Variants in PDE1C observed in about 807,000 individuals in gnomAD.
The protein encoded by PDE1C is dual specificity calcium/calmodulin-dependent 3',5'-cyclic nucleotide phosphodiesterase 1C.
PDE1C carries 62 observed loss-of-function variants against 93.1 expected under a neutral mutation model. The ratio of observed to expected loss-of-function variants is 0.67; its 90% CI spans 0.54 to 0.82. The LOEUF is 0.82. PDE1C is among the 40% of genes least tolerant of loss of function. The probability of loss-of-function intolerance (pLI) is 0.00; values close to 1 mark genes in which losing one functional copy is unlikely to be tolerated. For missense variants in PDE1C, 742 were observed against 884.6 expected, an observed-to-expected ratio of 0.84 and a Z score of 2.04; for synonymous variants, 325 against 310.1, an observed-to-expected ratio of 1.05 and a Z score of -0.50.
the PDE1C span, chr7:31,651,314 C>T: frequency 1.9e-6 from 3 of 1,596,728 alleles, no homozygotes; most frequent in East Asian, 2.2e-5. Flanking sequence ...AGCCCACACA[C>T]CTGGAGCAAG....
At chr7:32,141,436 A>G (rs971485637) in intron 3 of PDE1C, among the ~76,000 whole-genome samples, 2 of 152,248 alleles carry the variant, frequency 1.3e-5, no homozygotes, top group Admixed American at 6.5e-5. Context: ...GATCAAGTCT[A>G]GCAAAGTGAG....
the PDE1C span, among the ~76,000 whole-genome samples, chr7:31,634,070 G>T: frequency 2.0e-5 from 3 of 152,110 alleles, no homozygotes; most frequent in Non-Finnish European, 2.9e-5. Flanking sequence ...CAGGGACCAG[G>T]TTCTTCCACT....
At chr7:32,158,025 A>C (rs567470518) in intron 3 of PDE1C, among the ~76,000 whole-genome samples, 1 of 149,352 alleles carries the variant, frequency 6.7e-6, no homozygotes, top group African/African-American at 2.5e-5. Flanking sequence ...GAGTAGATGA[A>C]CTTAAAATAA....
chr7:31,805,797 C>A (rs943216835), intron 16 of PDE1C, among the ~76,000 whole-genome samples: 5 of 149,784 alleles, frequency 3.3e-5, no homozygotes, highest in African/African-American at 1.2e-4. Context: ...GTCACTGAGA[C>A]GTGCCTATGT....
At position 32,186,292 on chromosome 7, in the gene PDE1C, C is replaced by T. The variant is rs188817403; in HGVS notation, c.137-16336G>A. On this transcript the variant is annotated intron_variant, in intron 2 of 18. Transcript: ENST00000396193. ...TAATTTTTTGTATTTTTAGTAGAGA[C>T]GGGGTTTCACCTTATTAGCCAGGAT... Among the ~76,000 whole-genome samples the T allele has an allele frequency of 2.0e-4, 30 of 151,740 alleles. No homozygotes were observed. The East Asian group carries it at 5.6e-3, about 29-fold the overall frequency.
chr7:32,298,093 G>A (rs932486213), intron 1 of PDE1C, among the ~76,000 whole-genome samples: 3 of 123,438 alleles, frequency 2.4e-5, no homozygotes, highest in Non-Finnish European at 3.3e-5. Flanking sequence ...CCCGGTCTCT[G>A]TCTCTCTCAG....
intron 1 of PDE1C, among the ~76,000 whole-genome samples, chr7:32,276,808 C>T (rs1811320830): frequency 6.6e-6 from 1 of 152,174 alleles, no homozygotes; most frequent in African/African-American, 2.4e-5. Context: ...ACTATGATCA[C>T]TACTACCACC....
At chr7:31,941,210 C>T (rs1805797866) in intron 2 of PDE1C, 1 of 153,148 alleles carries the variant, frequency 6.5e-6, no homozygotes, top group Non-Finnish European at 1.5e-5. Context: ...AGCAAAACAC[C>T]AAAGACAATA....
At chr7:31,937,407 G>C (rs909977238) in intron 2 of PDE1C, among the ~76,000 whole-genome samples, 6 of 152,182 alleles carry the variant, frequency 3.9e-5, no homozygotes, top group Admixed American at 3.9e-4. Flanking sequence ...CAAAAAGTCT[G>C]TTTTGTCAGT....
At chr7:32,060,611 A>C (rs1371500750) in intron 1 of PDE1C, among the ~76,000 whole-genome samples, 1 of 152,222 alleles carries the variant, frequency 6.6e-6, no homozygotes, top group Admixed American at 6.5e-5. Flanking sequence ...CTGTCAACTG[A>C]AATCAGATGA....
At chr7:31,876,148 C>CA (rs1796561950) in intron 5 of PDE1C, among the ~76,000 whole-genome samples, 1 of 151,930 alleles carries the variant, frequency 6.6e-6, no homozygotes, top group Non-Finnish European at 1.5e-5. Flanking sequence ...TCATTGCAAA[C>CA]AAAATCAGCC....
intron 6 of PDE1C, among the ~76,000 whole-genome samples, chr7:31,868,002 A>C (rs2128850252): frequency 6.6e-6 from 1 of 152,378 alleles, no homozygotes; most frequent in African/African-American, 2.4e-5. Flanking sequence ...TTAAAGCCAA[A>C]GTTCTCTACT....
intron 1 of PDE1C, among the ~76,000 whole-genome samples, chr7:32,269,491 T>C (rs1054956332): frequency 3.9e-4 from 59 of 152,118 alleles, no homozygotes; most frequent in Admixed American, 2.4e-3. Context: ...TTTTGGTTTT[T>C]TCTTTTTAGA....
chr7:31,713,520 G>A, the PDE1C span, among the ~76,000 whole-genome samples: 1 of 152,312 alleles, frequency 6.6e-6, no homozygotes, highest in South Asian at 2.1e-4. Flanking sequence ...GGAGGACAGT[G>A]GCCCTCTTCC....
At chr7:32,373,504 T>G (rs1216313153) in intron 1 of PDE1C, among the ~76,000 whole-genome samples, 2 of 152,222 alleles carry the variant, frequency 1.3e-5, no homozygotes, top group African/African-American at 4.8e-5. Context: ...TGCTAATGGA[T>G]ATGGGATTTC....
intron 1 of PDE1C, among the ~76,000 whole-genome samples, chr7:32,237,555 T>C (rs1380337613): frequency 6.6e-6 from 1 of 151,316 alleles, no homozygotes; most frequent in Non-Finnish European, 1.5e-5. Flanking sequence ...CCAAAAATAA[T>C]TCTACATTAA....
intron 2 of PDE1C, among the ~76,000 whole-genome samples, chr7:32,182,552 A>G (rs10231079): frequency 0.43 from 65,783 of 152,096 alleles, 15,275 homozygotes; most frequent in East Asian, 0.75. Flanking sequence ...TAAAAACCAC[A>G]TGGTTATCTC....
chr7:31,841,816 G>T (rs1007081728), intron 9 of PDE1C, among the ~76,000 whole-genome samples: 1 of 152,098 alleles, frequency 6.6e-6, no homozygotes, highest in Non-Finnish European at 1.5e-5. Context: ...CCCAAGATCT[G>T]CAGGGTAAAT....
chr7:32,345,172 C>T (rs1470267675), intron 1 of PDE1C, among the ~76,000 whole-genome samples: 1 of 152,164 alleles, frequency 6.6e-6, no homozygotes, highest in East Asian at 1.9e-4. Flanking sequence ...GATGTCTTTC[C>T]CTCTCAAGTG....
Sources: allele counts gnomAD v4.1 joint callset (sites outside exome capture counted in the v4.1 genomes callset), GRCh38; gene constraint gnomAD v4.1.1; transcripts MANE v1.5; gene names NCBI Gene and HGNC (gene_info 2026-07-23, HGNC 2026-07-21).